EXOC6B: variants seen among roughly 807,000 people sequenced by gnomAD.
EXOC6B encodes SEC15 homolog B.
EXOC6B carries 54 observed loss-of-function variants against 113.5 expected under a neutral mutation model. The observed-to-expected ratio is 0.48, with a 90% CI of 0.38 to 0.60. The LOEUF (loss-of-function observed/expected upper bound fraction) is 0.60, where lower values mean the gene tolerates loss of function less well. Among genes scored for constraint, EXOC6B ranks in the 20% least tolerant of loss-of-function variants. The pLI is 0.00. For missense variants in EXOC6B, 797 were observed against 977.5 expected, an observed-to-expected ratio of 0.82 and a Z score of 2.46; for synonymous variants, 357 against 339.0, an observed-to-expected ratio of 1.05 and a Z score of -0.58.
chr2:72,362,201 T>TC (rs775040711), intron 19 of EXOC6B, among the ~76,000 whole-genome samples: 1 of 152,152 alleles, frequency 6.6e-6, no homozygotes, highest in Non-Finnish European at 1.5e-5. Flanking sequence ...TTTTCATGGA[T>TC]CCAGTTCATA....
chr2:72,783,308 T>A (rs1338471920), intron 1 of EXOC6B, among the ~76,000 whole-genome samples: 17 of 144,334 alleles, frequency 1.2e-4, no homozygotes, highest in Admixed American at 1.1e-3. Context: ...TGGTCACTTC[T>A]TTTTCTTTTC....
At chr2:72,632,829 G>C (rs762498740) in intron 6 of EXOC6B, among the ~76,000 whole-genome samples, 1 of 152,018 alleles carries the variant, frequency 6.6e-6, no homozygotes, top group Non-Finnish European at 1.5e-5. Flanking sequence ...CTACAGGTTT[G>C]TGTCACCATT....
chr2:72,639,936 T>C (rs1263265199), intron 6 of EXOC6B, among the ~76,000 whole-genome samples: 1 of 152,202 alleles, frequency 6.6e-6, no homozygotes, highest in African/African-American at 2.4e-5. Flanking sequence ...ACAAGAGGCC[T>C]GACAACTCAA....
chr2:72,220,999 A>G (rs1279284741), intron 20 of EXOC6B, among the ~76,000 whole-genome samples: 1 of 152,174 alleles, frequency 6.6e-6, no homozygotes, highest in Non-Finnish European at 1.5e-5. Flanking sequence ...TATTCTCTCT[A>G]GCTATTTTGA....
intron 16 of EXOC6B, 27 bp downstream of exon 16, chr2:72,492,291 G>A (rs760618288): frequency 1.4e-5 from 20 of 1,413,618 alleles, no homozygotes; most frequent in East Asian, 4.7e-5. Context: ...ATACTGGCTC[G>A]GCTGCCTTCA....
intron 20 of EXOC6B, among the ~76,000 whole-genome samples, chr2:72,266,202 G>A (rs1684072773): frequency 6.6e-6 from 1 of 151,244 alleles, no homozygotes; most frequent in Non-Finnish European, 1.5e-5. Context: ...CATTTTGTAG[G>A]TTGCCTGTTC....
intron 20 of EXOC6B, among the ~76,000 whole-genome samples, chr2:72,329,804 A>G (rs1251381709): frequency 1.3e-5 from 2 of 152,132 alleles, no homozygotes; most frequent in Non-Finnish European, 2.9e-5. Flanking sequence ...TCTAAAAGGA[A>G]TAGCAGCAGT....
chr2:72,818,366 T>A (rs1230080598), intron 1 of EXOC6B, among the ~76,000 whole-genome samples: 2 of 150,612 alleles, frequency 1.3e-5, no homozygotes, highest in East Asian at 3.9e-4. Flanking sequence ...TTTCACCATG[T>A]TAGCCAGGAT....
At chr2:72,292,525 C>T (rs1685862975) in intron 20 of EXOC6B, among the ~76,000 whole-genome samples, 1 of 146,718 alleles carries the variant, frequency 6.8e-6, no homozygotes, top group Admixed American at 6.8e-5. Context: ...CCAGTTTTTA[C>T]ATGCACGCTT....
intron 20 of EXOC6B, among the ~76,000 whole-genome samples, chr2:72,198,349 G>T (rs894828964): frequency 2.5e-4 from 38 of 152,234 alleles, no homozygotes; most frequent in African/African-American, 8.4e-4. Context: ...TTCTCTACTA[G>T]CTGGGTCCAT....
At chr2:72,489,580 T>C (rs1402047908) in intron 16 of EXOC6B, among the ~76,000 whole-genome samples, 1 of 152,184 alleles carries the variant, frequency 6.6e-6, no homozygotes, top group Admixed American at 6.5e-5. Context: ...AAATACATGC[T>C]ACCATTATCC....
chr2:72,358,271 C>G (rs1690091503), intron 19 of EXOC6B, among the ~76,000 whole-genome samples: 1 of 152,112 alleles, frequency 6.6e-6, no homozygotes, highest in South Asian at 2.1e-4. Flanking sequence ...CGTGCTCCCC[C>G]TTCTCATAAT....
At chr2:72,695,980 G>A (rs1414183446) in intron 6 of EXOC6B, among the ~76,000 whole-genome samples, 1 of 151,786 alleles carries the variant, frequency 6.6e-6, no homozygotes, top group East Asian at 1.9e-4. Flanking sequence ...AAGTTTCAAG[G>A]TTATCCAAAA....
At chr2:72,453,830 C>G (rs548300557) in intron 18 of EXOC6B, among the ~76,000 whole-genome samples, 1 of 152,292 alleles carries the variant, frequency 6.6e-6, no homozygotes, top group East Asian at 1.9e-4. Flanking sequence ...TGTTCTCACT[C>G]TCCTATGAAG....
At chr2:72,608,574 TAC>T (rs1050641180) in intron 6 of EXOC6B, among the ~76,000 whole-genome samples, 2 of 152,178 alleles carry the variant, frequency 1.3e-5, no homozygotes, top group African/African-American at 2.4e-5. Context: ...TTTTATTGTT[TAC>T]ACACAGTCAG....
chr2:72,595,122 G>A (rs542843561), intron 6 of EXOC6B, among the ~76,000 whole-genome samples: 57 of 151,884 alleles, frequency 3.8e-4, no homozygotes, highest in African/African-American at 1.3e-3. Context: ...TTAGCCAGGC[G>A]TGGTGGCAAA....
intron 20 of EXOC6B, among the ~76,000 whole-genome samples, chr2:72,241,315 CA>C: frequency 6.6e-6 from 1 of 151,880 alleles, no homozygotes; most frequent in South Asian, 2.1e-4. Context: ...ATGGAAACTT[CA>C]AAACTGAAAT....
intron 20 of EXOC6B, among the ~76,000 whole-genome samples, chr2:72,292,577 A>T (rs1685868922): frequency 6.6e-6 from 1 of 151,908 alleles, no homozygotes; most frequent in Admixed American, 6.6e-5. Flanking sequence ...TGATTCTATA[A>T]AAGTTTATCA....
chr2:72,666,486 C>T (rs552934849), intron 6 of EXOC6B, among the ~76,000 whole-genome samples: 1 of 152,040 alleles, frequency 6.6e-6, no homozygotes, highest in East Asian at 1.9e-4. Flanking sequence ...AATGCCCACT[C>T]TCACCATTCC....
Sources: allele counts gnomAD v4.1 joint callset (sites outside exome capture counted in the v4.1 genomes callset), GRCh38; gene constraint gnomAD v4.1.1; transcripts MANE v1.5; gene names NCBI Gene and HGNC (gene_info 2026-07-23, HGNC 2026-07-21).